Variants in XPNPEP3 observed in about 807,000 individuals in gnomAD.
The protein encoded by XPNPEP3 is X-prolyl aminopeptidase 3.
In XPNPEP3, 41 loss-of-function variants were observed where a neutral mutation model predicts 60.0. The observed-to-expected ratio is 0.68, with a 90% CI of 0.53 to 0.89. The LOEUF (loss-of-function observed/expected upper bound fraction) is 0.89, where lower values mean the gene tolerates loss of function less well. XPNPEP3 is among the 40% of genes least tolerant of loss of function. The pLI is 0.00. For synonymous variants in XPNPEP3, 212 were observed against 223.2 expected, an observed-to-expected ratio of 0.95 and a Z score of 0.45; for missense variants, 598 against 638.9, an observed-to-expected ratio of 0.94 and a Z score of 0.69.
rs186524609 is a variant in XPNPEP3, at chr22:40,924,386, C to G, written c.1261C>G (p.His421Asp). The G allele has an allele frequency of 4.6e-5, 75 of 1,614,152 alleles. No homozygotes were observed. The highest frequency in any genetic ancestry group is 1.1e-4 in the African/African-American group (8 of 75,018). Reference sequence around the variant, plus strand: ...GGCTGCTCGAAAATACTGTCCTCATCATGTTGGCCACTACCTCGGGATGGA... The same window carrying G: ...GGCTGCTCGAAAATACTGTCCTCATGATGTTGGCCACTACCTCGGGATGGA... Reference protein sequence around the residue: ...FKAARKYCPHHVGHYLGMDVH... With the variant: ...FKAARKYCPHDVGHYLGMDVH... The change falls in exon 9 of 10, where the codon CAT (histidine) becomes GAT (aspartate). Residue 421 changes from histidine (H) to aspartate (D), a missense_variant. His to Asp is a moderately conservative substitution (Grantham distance 81, BLOSUM62 -1). Coordinates refer to ENST00000357137, the MANE Select transcript of XPNPEP3 (RefSeq NM_022098.4).
At chr22:40,900,202 G>A (rs770886444) in intron 4 of XPNPEP3, among the ~76,000 whole-genome samples, 14 of 150,528 alleles carry the variant, frequency 9.3e-5, no homozygotes, top group Non-Finnish European at 1.6e-4. Context: ...AGATGATACC[G>A]AAAGCACAGG....
At chr22:40,863,458 AC>A (rs2057962262) in intron 1 of XPNPEP3, among the ~76,000 whole-genome samples, 1 of 152,224 alleles carries the variant, frequency 6.6e-6, no homozygotes, top group Non-Finnish European at 1.5e-5. Context: ...GTTAAATGAT[AC>A]GCTAATGAAA....
intron 1 of XPNPEP3, among the ~76,000 whole-genome samples, chr22:40,865,579 C>T (rs1433986763): frequency 4.0e-5 from 6 of 151,700 alleles, no homozygotes; most frequent in Admixed American, 1.3e-4. Context: ...CCACTTGCCT[C>T]GGCCTCCCAA....
At chr22:40,873,529 A>G (rs1193528899) in intron 2 of XPNPEP3, among the ~76,000 whole-genome samples, 1 of 151,886 alleles carries the variant, frequency 6.6e-6, no homozygotes, top group Non-Finnish European at 1.5e-5. Flanking sequence ...GTCAACTATA[A>G]TGGCAGAAGC....
intron 2 of XPNPEP3, chr22:40,870,160 G>T: frequency 2.2e-6 from 1 of 450,432 alleles, no homozygotes; most frequent in South Asian, 1.6e-5. Context: ...TAGCAACCCA[G>T]TTGGTATTAA....
In XPNPEP3 at chr22:40,930,525, A is replaced by G. The variant is rs924525428; in HGVS notation, c.*4090A>G. The G allele has an allele frequency of 6.6e-6, 1 of 151,930 alleles. No homozygotes were observed. The highest frequency in any genetic ancestry group is 2.4e-5 in the African/African-American group (1 of 41,392). 9.4% of individuals were successfully genotyped at this position (151,930 alleles called of 1,614,324 possible). A position where few individuals can be genotyped will look rare whatever the true frequency, so the allele number is the denominator to read the frequency against. ...TAATGATCAGATCAGAACAATTAGC[A>G]TATCCATCACATTGAACATTTATCA... On this transcript the variant is annotated 3_prime_UTR_variant, in exon 10 of 10. Coordinates refer to ENST00000357137, the MANE Select transcript of XPNPEP3 (RefSeq NM_022098.4).
At chr22:40,912,385 T>C (rs1167657535) in intron 6 of XPNPEP3, among the ~76,000 whole-genome samples, 5 of 152,238 alleles carry the variant, frequency 3.3e-5, no homozygotes, top group Non-Finnish European at 7.3e-5. Context: ...ATACTTCTAC[T>C]CTTCCTAAGA....
intron 4 of XPNPEP3, among the ~76,000 whole-genome samples, chr22:40,897,029 CTTTTTT>C (rs762152639): frequency 1.9e-5 from 2 of 107,690 alleles, no homozygotes; most frequent in Non-Finnish European, 3.7e-5. Context: ...TTTCCTTCAT[CTTTTTT>C]TTTTTTTTTT....
At chr22:40,921,440 T>C (rs6002202) in intron 7 of XPNPEP3, among the ~76,000 whole-genome samples, 9,997 of 148,244 alleles carry the variant, frequency 0.067, 1,080 homozygotes, top group African/African-American at 0.23. Flanking sequence ...TCGTTTGAGC[T>C]GAAGAGTTCC....
intron 4 of XPNPEP3, among the ~76,000 whole-genome samples, chr22:40,899,929 G>C (rs542636642): frequency 6.6e-6 from 1 of 151,656 alleles, no homozygotes; most frequent in African/African-American, 2.4e-5. Context: ...CCGAATACTC[G>C]GGAGGCAGTC....
intron 3 of XPNPEP3, among the ~76,000 whole-genome samples, chr22:40,884,327 A>T (rs981596655): frequency 6.7e-6 from 1 of 148,206 alleles, no homozygotes; most frequent in Non-Finnish European, 1.5e-5. Flanking sequence ...CTTCTCGGTC[A>T]CCATTCCTTT....
chr22:40,926,386 G>A lies in XPNPEP3; in HGVS notation c.1475G>A (p.Cys492Tyr). The A allele has an allele frequency of 6.8e-6, 11 of 1,614,128 alleles. No homozygotes were observed. The highest frequency in any genetic ancestry group is 8.5e-6 in the Non-Finnish European group (10 of 1,180,034). ...QDSPLILSAD[C>Y]PKEMNDIEQI... ...TCACCTCTCATCCTTTCTGCAGACT[G>A]TCCCAAAGAGATGAATGACATTGAA... Residue 492 changes from cysteine (C) to tyrosine (Y), a missense_variant, in exon 10 of 10, where the codon TGT becomes TAT. Cys to Tyr is a radical substitution (Grantham distance 194, BLOSUM62 -2). Coordinates refer to ENST00000357137, the MANE Select transcript of XPNPEP3 (RefSeq NM_022098.4).
intron 4 of XPNPEP3, among the ~76,000 whole-genome samples, chr22:40,899,318 G>A (rs1179969728): frequency 6.6e-6 from 1 of 152,128 alleles, no homozygotes; most frequent in African/African-American, 2.4e-5. Flanking sequence ...CTTTCAGCCA[G>A]CACTGAAGGC....
chr22:40,880,982 T>C (rs2058045517), intron 2 of XPNPEP3, among the ~76,000 whole-genome samples: 1 of 152,068 alleles, frequency 6.6e-6, no homozygotes, highest in African/African-American at 2.4e-5. Flanking sequence ...TTGAAATGTT[T>C]TAAAATGCAT....
Position 40,898,225 on chromosome 22 carries a change from ATTTTTTTTTTTTTTTTTTTT to A in XPNPEP3, c.793-9342_793-9323del, listed in dbSNP as rs71200626. On this transcript the variant is annotated intron_variant, in intron 4 of 9. Transcript: ENST00000357137. ...TGTTTTATGTTTAGGTCTTTGACCC[ATTTTTTTTTTTTTTTTTTTT>A]TTTTTTTTTTTTTTTTTTTGAGACG... Among the ~76,000 whole-genome samples, 56 of 28,788 alleles carry A rather than the reference ATTTTTTTTTTTTTTTTTTTT, an allele frequency of 1.9e-3. 1 individual carries two copies. Among genetic ancestry groups the A allele is most frequent in the East Asian group, 0.013 (12 of 920 alleles). 18.9% of individuals were successfully genotyped at this position (28,788 alleles called of 152,430 possible). A position where few individuals can be genotyped will look rare whatever the true frequency, so the allele number is the denominator to read the frequency against.
At chr22:40,887,067 C>T (rs527696961) in intron 4 of XPNPEP3, among the ~76,000 whole-genome samples, 1 of 151,982 alleles carries the variant, frequency 6.6e-6, no homozygotes, top group Non-Finnish European at 1.5e-5. Context: ...CTCCTTAGAA[C>T]GACAGAAATT....
At chr22:40,879,296 A>G (rs2058038714) in intron 2 of XPNPEP3, among the ~76,000 whole-genome samples, 1 of 152,236 alleles carries the variant, frequency 6.6e-6, no homozygotes. Flanking sequence ...AACTTCATCA[A>G]CAAAAACATA....
chr22:40,922,341 C>T lies in XPNPEP3; in HGVS notation c.1064C>T (p.Ala355Val), dbSNP rs559826493. The T allele has an allele frequency of 8.1e-6, 13 of 1,613,828 alleles. No individual in the cohort carries two copies. Among genetic ancestry groups the T allele is most frequent in the South Asian group, 7.7e-5 (7 of 91,066 alleles). Residue 355 changes from alanine (A) to valine (V), a missense_variant, in exon 8 of 10, where the codon GCA becomes GTA. Ala to Val is a moderately conservative substitution (Grantham distance 64, BLOSUM62 0). Coordinates refer to ENST00000357137, the MANE Select transcript of XPNPEP3 (RefSeq NM_022098.4). ...GGTTTTCCCGTCCCCAGGTTCACCG[C>T]ACCTCAGGCAGAACTCTATGAAGCC... Reference protein sequence around the residue: ...RTWPVNGRFTAPQAELYEAVL... With the variant: ...RTWPVNGRFTVPQAELYEAVL...
rs893424638 is a variant in XPNPEP3, at chr22:40,857,228, A to T, written c.47A>T (p.Asn16Ile). 2 of 1,614,070 alleles carry T rather than the reference A, an allele frequency of 1.2e-6. No homozygotes were observed. The highest frequency in any genetic ancestry group is 3.3e-5 in the Admixed American group (2 of 60,004). The change falls in exon 1 of 10, where the codon AAC becomes ATC. Residue 16 changes from asparagine to isoleucine, a missense_variant. Physicochemically the swap from Asn to Ile is moderately radical, Grantham distance 149. Coordinates refer to ENST00000357137, the MANE Select transcript of XPNPEP3 (RefSeq NM_022098.4). The part of the protein sequence containing the change: ...SAPKLVPAVA[N>I]VRGLSGCMLC... ...CCCAAGCTGGTTCCCGCTGTAGCAAACGTCCGCGGCCTCTCAGGTTAGACT... is the reference window on the plus strand; with the variant it reads ...CCCAAGCTGGTTCCCGCTGTAGCAATCGTCCGCGGCCTCTCAGGTTAGACT...
Sources: gnomAD v4.1 joint callset for allele counts (sites outside exome capture counted in the v4.1 genomes callset) on GRCh38, gnomAD v4.1.1 for gene constraint, MANE v1.5 for transcripts, NCBI Gene and HGNC (gene_info 2026-07-23, HGNC 2026-07-21) for gene names.